Variants in ZNF185 observed in about 807,000 individuals in gnomAD.
The protein encoded by ZNF185 is zinc finger protein 185 with LIM domain.
Under a neutral mutation model 58.6 loss-of-function variants are expected in ZNF185, and 56 were observed. The observed-to-expected ratio is 0.95, with a 90% CI of 0.77 to 1.19. The LOEUF (loss-of-function observed/expected upper bound fraction) is 1.19. Among genes scored for constraint, ZNF185 ranks in the 50% most tolerant of loss-of-function variants. ZNF185 has a pLI of 0.00. For synonymous variants in ZNF185, 230 were observed against 215.9 expected, an observed-to-expected ratio of 1.07 and a Z score of -0.57; for missense variants, 627 against 573.5, an observed-to-expected ratio of 1.09 and a Z score of -0.95.
intron 16 of ZNF185, among the ~76,000 whole-genome samples, chrX:152,954,391 G>T (rs1384330085): frequency 7.1e-5 from 8 of 111,909 alleles, no homozygotes; most frequent in East Asian, 2.8e-4. Context: ...CTAACATTCT[G>T]TCAAGGCAAA....
chrX:152,972,028 T>A (rs1556919709), exon 23 of ZNF185: 3 of 112,201 alleles, frequency 2.7e-5, no homozygotes, highest in African/African-American at 9.7e-5. Context: ...ACTTCACACA[T>A]AAATCTTCCC....
At chrX:152,969,874 A>G (rs782133648) in intron 21 of ZNF185, among the ~76,000 whole-genome samples, 19 of 112,286 alleles carry the variant, frequency 1.7e-4, no homozygotes, top group Non-Finnish European at 3.8e-5. Context: ...GCGGGCACAG[A>G]GTTTGGATTT....
intron 16 of ZNF185, 47 bp downstream of exon 18, chrX:152,945,511 T>C: frequency 1.7e-6 from 2 of 1,144,054 alleles, no homozygotes; most frequent in Non-Finnish European, 1.2e-6. Flanking sequence ...CCCATGTTTT[T>C]GTTGAGGTCT....
chrX:152,939,803 G>A (rs1460627441), intron 15 of ZNF185, among the ~76,000 whole-genome samples: 1 of 44,054 alleles, frequency 2.3e-5, no homozygotes, highest in Non-Finnish European at 4.2e-5. Context: ...TTTTTTTTGA[G>A]ACAGAGTTTT....
chrX:152,948,913 A>C (rs1200289879), intron 16 of ZNF185, among the ~76,000 whole-genome samples: 1 of 111,849 alleles, frequency 8.9e-6, no homozygotes, highest in African/African-American at 3.3e-5. Flanking sequence ...GAGTGACTGA[A>C]GTGGGCAGAG....
At chrX:152,943,344 G>T (rs1442228636) in intron 15 of ZNF185, among the ~76,000 whole-genome samples, 1 of 110,889 alleles carries the variant, frequency 9.0e-6, no homozygotes, top group Non-Finnish European at 1.9e-5. Flanking sequence ...TTATGGTTGT[G>T]TTAGGAGTTG....
chrX:152,932,797 C>T (rs2045848534), intron 13 of ZNF185, 76 bp from the exon 15 acceptor site: 1 of 735,261 alleles, frequency 1.4e-6, no homozygotes. Flanking sequence ...GGTCTTGAGG[C>T]CCACTCTCAT....
exon 6 of ZNF185, chrX:152,918,127 A>C (rs1489221730): frequency 8.4e-7 from 1 of 1,195,077 alleles, no homozygotes; most frequent in African/African-American, 1.8e-5. Flanking sequence ...TCTGGCTACA[A>C]GATGACCACT....
At chrX:152,944,088 G>C (rs1556892445) in intron 15 of ZNF185, among the ~76,000 whole-genome samples, 1 of 113,136 alleles carries the variant, frequency 8.8e-6, no homozygotes, top group African/African-American at 3.2e-5. Flanking sequence ...ACACTCACTT[G>C]CCTGCAGTTC....
chrX:152,901,928 T>A, the ZNF185 span, among the ~76,000 whole-genome samples: 1 of 111,919 alleles, frequency 8.9e-6, no homozygotes, highest in East Asian at 2.8e-4. Context: ...CCAGGGAATT[T>A]GACTGCCGAA....
intron 15 of ZNF185, among the ~76,000 whole-genome samples, 184 bp from the exon 18 acceptor site, chrX:152,945,083 C>T (rs1456646122): frequency 8.9e-6 from 1 of 112,920 alleles, no homozygotes; most frequent in Non-Finnish European, 1.9e-5. Context: ...CGATGCTGGG[C>T]TCCTGCCAAG....
chrX:152,948,681 AGTGT>A (rs1271225617), intron 16 of ZNF185, among the ~76,000 whole-genome samples: 1 of 111,642 alleles, frequency 9.0e-6, no homozygotes, highest in African/African-American at 3.3e-5. Flanking sequence ...CATAGCCTTG[AGTGT>A]GATGATGTGA....
chrX:152,900,668 A>G, the ZNF185 span, among the ~76,000 whole-genome samples: 1 of 112,833 alleles, frequency 8.9e-6, no homozygotes, highest in African/African-American at 3.2e-5. Context: ...AGTCCCTGAG[A>G]GATGCTCAGG....
the ZNF185 span, among the ~76,000 whole-genome samples, chrX:152,898,773 C>T: frequency 8.9e-6 from 1 of 112,418 alleles, no homozygotes; most frequent in African/African-American, 3.2e-5. Flanking sequence ...CAGAAGGCGC[C>T]GAATCAGGTG....
chrX:152,926,422 C>T (rs1346944695), intron 11 of ZNF185, among the ~76,000 whole-genome samples: 1 of 112,435 alleles, frequency 8.9e-6, no homozygotes, highest in African/African-American at 3.2e-5. Context: ...ATCAATATCT[C>T]CACCTGCTGG....
intron 17 of ZNF185, among the ~76,000 whole-genome samples, chrX:152,963,372 G>A (rs1556911791): frequency 8.9e-6 from 1 of 112,759 alleles, no homozygotes; most frequent in African/African-American, 3.2e-5. Flanking sequence ...CCTCAATGAT[G>A]CCTAATTTCA....
intron 16 of ZNF185, among the ~76,000 whole-genome samples, chrX:152,947,386 A>T (rs1767432023): frequency 1.8e-5 from 2 of 111,375 alleles, no homozygotes; most frequent in Admixed American, 9.5e-5. Flanking sequence ...CTGTCTCCAA[A>T]ATAAAAATAA....
the ZNF185 span, among the ~76,000 whole-genome samples, chrX:152,898,560 G>T: frequency 3.6e-5 from 4 of 112,489 alleles, no homozygotes; most frequent in Admixed American, 2.8e-4. Flanking sequence ...GATGCTCTGA[G>T]AGTTGACTGC....
At chrX:152,966,825 T>C (rs1291298274) in intron 19 of ZNF185, among the ~76,000 whole-genome samples, 1 of 111,384 alleles carries the variant, frequency 9.0e-6, no homozygotes, top group Non-Finnish European at 1.9e-5. Flanking sequence ...ATCCCTTCTT[T>C]CTTCTCATTC....
Sources: allele counts gnomAD v4.1 joint callset (sites outside exome capture counted in the v4.1 genomes callset), GRCh38; gene constraint gnomAD v4.1.1; transcripts MANE v1.5; gene names NCBI Gene and HGNC (gene_info 2026-07-23, HGNC 2026-07-21).